The following ST3GAL2 variants were observed in gnomAD, a reference collection of about 807,000 sequenced individuals.
ST3GAL2 encodes CMP-N-acetylneuraminate-beta-galactosamide-alpha-2,3-sialyltransferase 2.
ST3GAL2 carries 16 observed loss-of-function variants against 37.5 expected under a neutral mutation model. The observed-to-expected ratio is 0.43, with a 90% CI of 0.29 to 0.65. The LOEUF (loss-of-function observed/expected upper bound fraction) is 0.65. ST3GAL2 is among the 30% of genes least tolerant of loss of function. The pLI, the probability that ST3GAL2 is intolerant of heterozygous loss-of-function variation, is 0.17. For synonymous variants in ST3GAL2, 238 were observed against 202.9 expected (o/e 1.17, Z -1.47); for missense variants, 383 against 487.8 (o/e 0.79, Z 2.02).
chr16:70,430,034 A>C (rs2047778773), intron 1 of ST3GAL2, among the ~76,000 whole-genome samples: 1 of 152,180 alleles, frequency 6.6e-6, no homozygotes, highest in South Asian at 2.1e-4. Context: ...CTGCACCCTC[A>C]TGCCCCCTGA....
chr16:70,422,103 G>C (rs1481735089), intron 1 of ST3GAL2, among the ~76,000 whole-genome samples: 2 of 152,138 alleles, frequency 1.3e-5, no homozygotes. Context: ...GACCAATGCT[G>C]GAGGACCTTG....
At position 70,376,820 on chromosome 16, in the gene ST3GAL2, A is replaced by C. The variant is rs1275096034; in HGVS notation, c.*4869T>G. On this transcript the variant is annotated 3_prime_UTR_variant, in exon 7 of 7. Transcript: ENST00000342907. The stretch of plus-strand genomic sequence containing the variant: ...TGCAGTGGCTCAATCTCGGCTCACC[A>C]CAACTTCCACCTCCCAGGTTCAAGC... 6.6e-6 allele frequency: 1 copy of C among 151,104 alleles called. No individual in the cohort carries two copies. Among genetic ancestry groups the C allele is most frequent in the Non-Finnish European group, 1.5e-5 (1 of 67,830 alleles). 9.4% of individuals were successfully genotyped at this position (151,104 alleles called of 1,614,324 possible).
intron 1 of ST3GAL2, among the ~76,000 whole-genome samples, chr16:70,406,049 G>A (rs971504925): frequency 6.0e-5 from 9 of 151,106 alleles, no homozygotes; most frequent in Admixed American, 1.3e-4. Context: ...CAACAGAGCA[G>A]GACTCCGTCT....
Position 70,388,523 on chromosome 16 carries a change from C to T in ST3GAL2, c.557G>A (p.Gly186Asp), listed in dbSNP as rs1567666373. ...IMRMNQAPTVGFEQDVGSRTT... is the reference protein window; with the variant it reads ...IMRMNQAPTVDFEQDVGSRTT... ...TCGGCTGCCAACATCCTGCTCAAAGCCCACGGTTGGCGCCTGATTCATCCT... is the reference window on the plus strand; with the variant it reads ...TCGGCTGCCAACATCCTGCTCAAAGTCCACGGTTGGCGCCTGATTCATCCT... The change falls in exon 4 of 7, where the codon GGC (glycine) becomes GAC (aspartate). Residue 186 changes from glycine to aspartate, a missense_variant. Gly to Asp is a moderately conservative substitution (Grantham distance 94). Around this residue, in one of 2 missense-constraint regions of ST3GAL2, gnomAD observed 160 missense variants for 248.6 expected, o/e 0.64. Transcript: ENST00000342907. The T allele has an allele frequency of 1.2e-6, 2 of 1,603,684 alleles. No homozygotes were observed. Among genetic ancestry groups the T allele is most frequent in the Non-Finnish European group, 1.7e-6 (2 of 1,173,492 alleles).
At chr16:70,433,423 T>C (rs1176163827) in intron 1 of ST3GAL2, among the ~76,000 whole-genome samples, 1 of 152,166 alleles carries the variant, frequency 6.6e-6, no homozygotes, top group African/African-American at 2.4e-5. Context: ...ATCCAGCACC[T>C]GTCTGGACAG....
In ST3GAL2 at chr16:70,395,223, TGAA is replaced by T. The variant is rs747249934; in HGVS notation, c.340-51_340-49del. 109 of 1,551,054 alleles carry T rather than the reference TGAA, an allele frequency of 7.0e-5. 1 individual carries two copies. In the Admixed American group the frequency reaches 1.4e-3, roughly 19 times the overall value. On this transcript the variant is annotated intron_variant, in intron 2 of 6. Transcript: ENST00000342907. Reference sequence around the variant, plus strand: ...GGAAACGAGGAAGGGGAGAGGTGTGTGAAGAAGGAGGGGCCCCGGCCTCCCCTC... The same window carrying T: ...GGAAACGAGGAAGGGGAGAGGTGTGTGAAGGAGGGGCCCCGGCCTCCCCTC...
In ST3GAL2 at chr16:70,399,301, C is replaced by G; in HGVS notation, c.-771G>C. On this transcript the variant is annotated 5_prime_UTR_variant, in exon 2 of 7. Transcript: ENST00000342907. The stretch of plus-strand genomic sequence containing the variant: ...AAGCTCCTACTGTGGCTGTGGGGTC[C>G]TCTGGCGCTGGGAACAGCTGCTGTT... The G allele has an allele frequency of 2.5e-6, 1 of 398,878 alleles. No homozygotes were observed. The highest frequency in any genetic ancestry group is 4.4e-6 in the Non-Finnish European group (1 of 226,270). 24.7% of individuals were successfully genotyped at this position (398,878 alleles called of 1,614,324 possible). A position where few individuals can be genotyped will look rare whatever the true frequency, so the allele number is the denominator to read the frequency against.
intron 4 of ST3GAL2, among the ~76,000 whole-genome samples, chr16:70,385,698 C>CTTTTTT (rs1034830291): frequency 2.7e-4 from 25 of 92,216 alleles, no homozygotes; most frequent in African/African-American, 4.0e-4. Context: ...TTTTTTGGTT[C>CTTTTTT]TTTTTTTTTT....
intron 3 of ST3GAL2, among the ~76,000 whole-genome samples, chr16:70,392,548 G>C (rs2047488936): frequency 6.6e-6 from 1 of 152,174 alleles, no homozygotes; most frequent in Non-Finnish European, 1.5e-5. Context: ...CACTGTTCTT[G>C]GAGTTGTGGA....
Position 70,376,052 on chromosome 16 carries a change from A to G in ST3GAL2, c.*5637T>C, listed in dbSNP as rs1245202179. On this transcript the variant is annotated 3_prime_UTR_variant, in exon 7 of 7. Transcript: ENST00000342907. ...CAAACTCTTCCCTTTCATGGTCTCC[A>G]GTGCGGTGCCCGTGGTAACAGCGTT... 6.6e-6 allele frequency: 1 copy of G among 152,212 alleles called. No individual in the cohort carries two copies. Among genetic ancestry groups the G allele is most frequent in the Non-Finnish European group, 1.5e-5 (1 of 68,052 alleles). The allele number at this position is 152,212 out of a possible 1,614,324, so 9.4% of individuals were successfully genotyped here. A position where few individuals can be genotyped will look rare whatever the true frequency, so the allele number is the denominator to read the frequency against.
intron 1 of ST3GAL2, among the ~76,000 whole-genome samples, chr16:70,403,036 C>T (rs1374809024): frequency 6.6e-6 from 1 of 152,194 alleles, no homozygotes; most frequent in Non-Finnish European, 1.5e-5. Context: ...GTAGTAAAAT[C>T]TAAAATGCTT....
rs1457123791 is a variant in ST3GAL2 at position 70,381,158 on chromosome 16, C to G, written c.*531G>C. The G allele has an allele frequency of 6.6e-6, 1 of 152,506 alleles. No homozygotes were observed. 9.4% of individuals were successfully genotyped at this position (152,506 alleles called of 1,614,324 possible). On this transcript the variant is annotated 3_prime_UTR_variant, in exon 7 of 7. Coordinates refer to ENST00000342907, the MANE Select transcript of ST3GAL2 (RefSeq NM_006927.4). Reference sequence around the variant, plus strand: ...GCGCGGCCGAGGTGGGACTGGGGGTCCCGCAGCGACCGCTTTTCTTTGGTG... The same window carrying G: ...GCGCGGCCGAGGTGGGACTGGGGGTGCCGCAGCGACCGCTTTTCTTTGGTG...
intron 1 of ST3GAL2, among the ~76,000 whole-genome samples, chr16:70,410,506 G>C (rs989038226): frequency 6.6e-6 from 1 of 151,606 alleles, no homozygotes; most frequent in Non-Finnish European, 1.5e-5. Context: ...GCCTGCGTCG[G>C]CCTCCCAAAG....
intron 2 of ST3GAL2, among the ~76,000 whole-genome samples, chr16:70,395,670 C>A (rs1157019488): frequency 6.6e-6 from 1 of 152,212 alleles, no homozygotes; most frequent in Non-Finnish European, 1.5e-5. Context: ...TCTTTCAGAG[C>A]CAGAATGGCT....
At chr16:70,404,795 G>A (rs564804416) in intron 1 of ST3GAL2, among the ~76,000 whole-genome samples, 2 of 152,270 alleles carry the variant, frequency 1.3e-5, no homozygotes, top group Non-Finnish European at 2.9e-5. Flanking sequence ...AGCACTTTGG[G>A]AGGCCAAGAT....
intron 1 of ST3GAL2, among the ~76,000 whole-genome samples, chr16:70,407,406 G>GC (rs1431060357): frequency 6.6e-6 from 1 of 152,210 alleles, no homozygotes; most frequent in African/African-American, 2.4e-5. Flanking sequence ...CTCCCCAGGT[G>GC]CTGGAATTAC....
Position 70,431,557 on chromosome 16 carries a change from GTTAA to G in ST3GAL2, c.-1004+7388_-1004+7391del, listed in dbSNP as rs1018044401. On this transcript the variant is annotated intron_variant, in intron 1 of 6. Coordinates refer to ENST00000342907, the MANE Select transcript of ST3GAL2 (RefSeq NM_006927.4). ...CTGATACCAGAACTATGTGTGTTGT[GTTAA>G]TTATCACCAACATGCAAATAAAATT... Among the ~76,000 whole-genome samples, 3 of 151,912 alleles carry G rather than the reference GTTAA, an allele frequency of 2.0e-5. No individual in the cohort carries two copies. In the East Asian group the frequency reaches 5.8e-4, roughly 29 times the overall value.
intron 1 of ST3GAL2, among the ~76,000 whole-genome samples, chr16:70,415,165 C>T (rs1281045892): frequency 3.3e-5 from 5 of 152,122 alleles, no homozygotes; most frequent in Non-Finnish European, 7.4e-5. Flanking sequence ...TGAGCCATCA[C>T]GCCCAGCCAA....
chr16:70,396,406 T>C (rs2047516691), intron 2 of ST3GAL2, among the ~76,000 whole-genome samples: 1 of 151,636 alleles, frequency 6.6e-6, no homozygotes, highest in Non-Finnish European at 1.5e-5. Context: ...GGATGGGAGA[T>C]TGATCTGTAG....
Sources: gnomAD v4.1 joint callset for allele counts (sites outside exome capture counted in the v4.1 genomes callset) on GRCh38, gnomAD v4.1.1 for gene constraint, gnomAD v4.1.1 regional missense constraint, MANE v1.5 for transcripts, NCBI Gene and HGNC (gene_info 2026-07-23, HGNC 2026-07-21) for gene names.